SCNN1B: variants seen among roughly 807,000 people sequenced by gnomAD.
SCNN1B encodes the protein epithelial sodium channel subunit beta.
Under a neutral mutation model 65.3 loss-of-function variants are expected in SCNN1B, and 46 were observed. The ratio of observed to expected loss-of-function variants is 0.70; its 90% CI spans 0.56 to 0.90. The LOEUF (loss-of-function observed/expected upper bound fraction) is 0.90. Among genes scored for constraint, SCNN1B ranks in the 40% least tolerant of loss-of-function variants. SCNN1B has a pLI of 0.00. For missense variants in SCNN1B, 751 were observed against 830.5 expected, an observed-to-expected ratio of 0.90 and a Z score of 1.18; for synonymous variants, 349 against 330.6, an observed-to-expected ratio of 1.06 and a Z score of -0.60.
chr16:23,377,509 C>G lies in SCNN1B; in HGVS notation c.1404+123C>G, dbSNP rs991306902. 1.4e-5 allele frequency: 11 copies of G among 783,012 alleles called. No individual in the cohort carries two copies. The East Asian group carries it at 3.0e-4, about 21-fold the overall frequency. 48.5% of individuals were successfully genotyped at this position (783,012 alleles called of 1,614,324 possible). On this transcript the variant is annotated intron_variant, in intron 10 of 12. Transcript: ENST00000343070. Reference sequence around the variant, plus strand: ...TTTTTCCCTCCCTCCTTCCTTCCTTCTCTGTTTCCCTCCTTCCTTCCTTCT... The same window carrying G: ...TTTTTCCCTCCCTCCTTCCTTCCTTGTCTGTTTCCCTCCTTCCTTCCTTCT...
intron 1 of SCNN1B, chr16:23,323,568 G>T: frequency 1.4e-6 from 1 of 702,994 alleles, no homozygotes; most frequent in Non-Finnish European, 2.6e-6. Flanking sequence ...GGAAACCAGG[G>T]CACAGAGAGG....
chr16:23,291,576 T>G (rs984596875), intron 2 of SCNN1B, among the ~76,000 whole-genome samples: 3 of 151,716 alleles, frequency 2.0e-5, no homozygotes, highest in African/African-American at 7.3e-5. Context: ...TTTATTTATT[T>G]TTTATTATAT....
chr16:23,338,589 A>C (rs577418158), intron 1 of SCNN1B, among the ~76,000 whole-genome samples: 6 of 152,326 alleles, frequency 3.9e-5, no homozygotes, highest in Non-Finnish European at 8.8e-5. Flanking sequence ...AATTTACAGG[A>C]GTCACAAAGT....
intron 2 of SCNN1B, among the ~76,000 whole-genome samples, chr16:23,293,694 A>G (rs1441342219): frequency 6.6e-6 from 1 of 152,128 alleles, no homozygotes; most frequent in Non-Finnish European, 1.5e-5. Context: ...TGGGAGGCTG[A>G]GACATGAGGA....
intron 4 of SCNN1B, among the ~76,000 whole-genome samples, chr16:23,364,586 G>T (rs981159904): frequency 1.3e-5 from 2 of 152,204 alleles, no homozygotes; most frequent in African/African-American, 4.8e-5. Flanking sequence ...GCAGAAGGAA[G>T]ACTTTAAGGA....
chr16:23,305,578 T>C (rs376401188), intron 1 of SCNN1B, among the ~76,000 whole-genome samples: 1 of 22,920 alleles, frequency 4.4e-5, no homozygotes, highest in African/African-American at 2.1e-4. Flanking sequence ...ATATATATAT[T>C]ATATATATAT....
chr16:23,374,005 A>G (rs1461629333), intron 7 of SCNN1B, among the ~76,000 whole-genome samples: 2 of 152,048 alleles, frequency 1.3e-5, no homozygotes, highest in Non-Finnish European at 2.9e-5. Context: ...GCCCATCCCC[A>G]TGGACACCCC....
intron 2 of SCNN1B, among the ~76,000 whole-genome samples, chr16:23,296,156 G>C (rs904694614): frequency 2.5e-4 from 38 of 152,124 alleles, no homozygotes; most frequent in Admixed American, 2.3e-3. Context: ...GACGTACCAG[G>C]AGTAGAGGCC....
At chr16:23,325,136 G>A (rs547125342) in intron 1 of SCNN1B, among the ~76,000 whole-genome samples, 141 of 152,250 alleles carry the variant, frequency 9.3e-4, no homozygotes, top group Non-Finnish European at 1.7e-3. Context: ...TCCCTCTTTG[G>A]TTCACTCCAT....
chr16:23,366,065 A>C (rs1459914706), intron 4 of SCNN1B, among the ~76,000 whole-genome samples: 8 of 152,266 alleles, frequency 5.3e-5, no homozygotes, highest in Non-Finnish European at 1.2e-4. Flanking sequence ...GGCCTGGCCC[A>C]TAAAAGTCAC....
chr16:23,374,258 CCTGT>C (rs1343279438), intron 7 of SCNN1B, among the ~76,000 whole-genome samples: 16 of 89,726 alleles, frequency 1.8e-4, no homozygotes, highest in African/African-American at 6.6e-4. Flanking sequence ...AGAGTGAGAC[CCTGT>C]CTCAGGAAAA....
At chr16:23,360,200 A>AT (rs1171201457) in intron 4 of SCNN1B, among the ~76,000 whole-genome samples, 40 of 135,752 alleles carry the variant, frequency 2.9e-4, no homozygotes, top group Non-Finnish European at 4.6e-4. Context: ...TCCATCTCAA[A>AT]AAAATAAATA....
intron 5 of SCNN1B, among the ~76,000 whole-genome samples, chr16:23,370,166 C>T (rs62029387): frequency 0.039 from 5,951 of 152,212 alleles, 155 homozygotes; most frequent in South Asian, 0.075. Context: ...AGTGCAGTGG[C>T]GCAATCTCGG....
At chr16:23,357,447 G>A (rs1474268007) in intron 4 of SCNN1B, among the ~76,000 whole-genome samples, 1 of 152,202 alleles carries the variant, frequency 6.6e-6, no homozygotes, top group Non-Finnish European at 1.5e-5. Context: ...ACCGGGAGTG[G>A]TGGTGCACAT....
At chr16:23,355,207 C>T in intron 3 of SCNN1B, 92 bp from the exon 4 acceptor site, 6 of 1,308,918 alleles carry the variant, frequency 4.6e-6, no homozygotes, top group South Asian at 2.4e-5. Flanking sequence ...TGGCAAAGCA[C>T]AGCTCTTGCC....
At chr16:23,316,290 C>T (rs912652571) in intron 1 of SCNN1B, among the ~76,000 whole-genome samples, 2 of 149,542 alleles carry the variant, frequency 1.3e-5, no homozygotes, top group Admixed American at 6.7e-5. Context: ...ACCACCATCA[C>T]CATCCTCACC....
intron 2 of SCNN1B, among the ~76,000 whole-genome samples, chr16:23,288,360 A>G (rs1960880479): frequency 6.6e-6 from 1 of 152,178 alleles, no homozygotes; most frequent in African/African-American, 2.4e-5. Flanking sequence ...TCCCTAGTGT[A>G]TTAGCTGACT....
chr16:23,283,058 A>G (rs188021965), intron 1 of SCNN1B, among the ~76,000 whole-genome samples: 1 of 152,344 alleles, frequency 6.6e-6, no homozygotes, highest in Admixed American at 6.5e-5. Flanking sequence ...GTTGAAATGC[A>G]TTTGATATAC....
intron 1 of SCNN1B, among the ~76,000 whole-genome samples, chr16:23,324,610 T>G (rs1441192333): frequency 6.6e-6 from 1 of 152,184 alleles, no homozygotes; most frequent in Non-Finnish European, 1.5e-5. Flanking sequence ...CAGGTTGACC[T>G]TATTTTTCTG....
Sources: gnomAD v4.1 joint callset for allele counts (sites outside exome capture counted in the v4.1 genomes callset) on GRCh38, gnomAD v4.1.1 for gene constraint, MANE v1.5 for transcripts, NCBI Gene and HGNC (gene_info 2026-07-23, HGNC 2026-07-21) for gene names.